The following GABRA3 variants were observed in gnomAD, a reference collection of about 807,000 sequenced individuals.
GABRA3 encodes gamma-aminobutyric acid receptor subunit alpha-3.
GABRA3 carries 10 observed loss-of-function variants against 30.1 expected under a neutral mutation model. The ratio of observed to expected loss-of-function variants is 0.33; its 90% CI spans 0.20 to 0.56. GABRA3 has a LOEUF of 0.56. GABRA3 is among the 20% of genes least tolerant of loss of function. The probability of loss-of-function intolerance (pLI) is 0.89; values close to 1 mark genes in which losing one functional copy is unlikely to be tolerated. For synonymous variants in GABRA3, 151 were observed against 146.8 expected (o/e 1.03, Z -0.21); for missense variants, 233 against 392.0 (o/e 0.59, Z 3.42).
chrX:152,178,427 G>GATTTC (rs1372504420), intron 9 of GABRA3, among the ~76,000 whole-genome samples: 1 of 111,597 alleles, frequency 9.0e-6, no homozygotes, highest in Non-Finnish European at 1.9e-5. Flanking sequence ...GATTTGATTT[G>GATTTC]TGGCTACAAT....
chrX:152,220,627 C>G (rs759845563), intron 6 of GABRA3, among the ~76,000 whole-genome samples: 50 of 111,767 alleles, frequency 4.5e-4, no homozygotes, highest in African/African-American at 1.6e-3. Context: ...TAAATAGCAC[C>G]AAACAATTTT....
chrX:152,352,073 T>C (rs1158071050), intron 2 of GABRA3, among the ~76,000 whole-genome samples: 4 of 111,121 alleles, frequency 3.6e-5, no homozygotes, highest in African/African-American at 1.3e-4. Context: ...ACAGATATAA[T>C]AATCAAGACT....
chrX:152,368,701 C>CTTTTTTTTTTTTTT (rs59912352), intron 1 of GABRA3, among the ~76,000 whole-genome samples: 1 of 49,567 alleles, frequency 2.0e-5, no homozygotes, highest in Non-Finnish European at 3.4e-5. Context: ...AATTTTTTTT[C>CTTTTTTTTTTTTTT]TTTTTTTTTT....
chrX:152,289,398 C>T lies in GABRA3; in HGVS notation c.263-4663G>A, dbSNP rs774862676. On this transcript the variant is annotated intron_variant, in intron 3 of 9. Transcript: ENST00000370314. Reference sequence around the variant, plus strand: ...CTTCAGAGATTTAAAGAAAGTGATCCTTGTACCCCTGTCTGCTCTTCTTGT... The same window carrying T: ...CTTCAGAGATTTAAAGAAAGTGATCTTTGTACCCCTGTCTGCTCTTCTTGT... Among the ~76,000 whole-genome samples the T allele has an allele frequency of 4.7e-4, 51 of 109,532 alleles. No individual in the cohort carries two copies. In the Admixed American group the frequency reaches 4.7e-3, roughly 10 times the overall value.
intron 4 of GABRA3, among the ~76,000 whole-genome samples, chrX:152,272,503 G>T (rs188165617): frequency 1.2e-4 from 14 of 112,205 alleles, no homozygotes; most frequent in Non-Finnish European, 2.3e-4. Context: ...TTACAGGCTC[G>T]TAGGTGGAAA....
chrX:152,253,150 C>A (rs1009128792), intron 5 of GABRA3, among the ~76,000 whole-genome samples: 2 of 111,624 alleles, frequency 1.8e-5, no homozygotes, highest in Non-Finnish European at 3.8e-5. Context: ...TCCTCTTTCC[C>A]CTCCACTGCC....
chrX:152,383,143 T>C (rs1929190382), intron 1 of GABRA3, among the ~76,000 whole-genome samples: 1 of 108,594 alleles, frequency 9.2e-6, no homozygotes, highest in African/African-American at 3.4e-5. Context: ...TCCCAGCACT[T>C]TGGGAGGCCG....
intron 3 of GABRA3, among the ~76,000 whole-genome samples, chrX:152,319,096 A>G (rs189927926): frequency 1.9e-3 from 214 of 111,946 alleles, no homozygotes; most frequent in African/African-American, 6.6e-3. Flanking sequence ...ACAAAGAGAA[A>G]CACAGCCCAT....
chrX:152,232,815 T>A (rs1210821099), intron 5 of GABRA3, among the ~76,000 whole-genome samples: 3 of 110,411 alleles, frequency 2.7e-5, no homozygotes, highest in Non-Finnish European at 5.7e-5. Context: ...TAATGATTTG[T>A]CTTTGTGTAG....
rs776467769 is a variant in GABRA3, at chrX:152,407,178, AAAGG to A, written c.-26-42586_-26-42583del. 2.3e-3 allele frequency among the ~76,000 whole-genome samples: 258 copies of A among 111,824 alleles called. 1 individual carries two copies. The highest frequency in any genetic ancestry group is 7.9e-3 in the African/African-American group (244 of 30,893). On this transcript the variant is annotated intron_variant, in intron 1 of 9. Transcript: ENST00000370314. ...CTAAGGCTTCATCTTAAAAACTAGA[AAAGG>A]AAGAGCAAAACAAACTCAAAGTTAG...
chrX:152,377,157 T>C (rs1406266166), intron 1 of GABRA3, among the ~76,000 whole-genome samples: 2 of 111,425 alleles, frequency 1.8e-5, no homozygotes, highest in Non-Finnish European at 3.8e-5. Flanking sequence ...ACCTAGGGGC[T>C]GAACTAGCAA....
At chrX:152,256,033 T>C (rs773053635) in intron 4 of GABRA3, 35 bp from the exon 5 acceptor site, 3 of 1,061,515 alleles carry the variant, frequency 2.8e-6, no homozygotes, top group Non-Finnish European at 3.9e-6. Flanking sequence ...ATGTTTCAGT[T>C]GAGTTCTGGT....
At chrX:152,202,787 T>G (rs1020345645) in intron 7 of GABRA3, among the ~76,000 whole-genome samples, 2 of 112,030 alleles carry the variant, frequency 1.8e-5, no homozygotes, top group African/African-American at 6.5e-5. Context: ...ATATTCGAGA[T>G]GTAAATTTTA....
chrX:152,352,129 G>C (rs748405648), intron 2 of GABRA3, among the ~76,000 whole-genome samples: 167 of 110,930 alleles, frequency 1.5e-3, no homozygotes, highest in African/African-American at 5.3e-3. Context: ...GAGACATAAA[G>C]TGAGCACATG....
At chrX:152,317,584 A>C (rs1939897826) in intron 3 of GABRA3, among the ~76,000 whole-genome samples, 1 of 112,080 alleles carries the variant, frequency 8.9e-6, no homozygotes, top group African/African-American at 3.2e-5. Flanking sequence ...ATAAGTCTCC[A>C]TAAATTTAAG....
intron 3 of GABRA3, among the ~76,000 whole-genome samples, chrX:152,314,719 G>A (rs5970270): frequency 0.037 from 4,127 of 112,057 alleles, 161 homozygotes; most frequent in African/African-American, 0.13. Flanking sequence ...ATGGCACTTC[G>A]TCAGAGAGGC....
chrX:152,259,904 G>A (rs1216187821), intron 4 of GABRA3, among the ~76,000 whole-genome samples: 1 of 109,913 alleles, frequency 9.1e-6, no homozygotes, highest in Non-Finnish European at 1.9e-5. Flanking sequence ...TACGAGCTTG[G>A]CTTCAGTGTG....
chrX:152,237,969 T>G (rs1160575081), intron 5 of GABRA3, among the ~76,000 whole-genome samples: 3 of 110,711 alleles, frequency 2.7e-5, no homozygotes, highest in Non-Finnish European at 5.7e-5. Flanking sequence ...CTTTTCCTAC[T>G]TGAATACCCT....
chrX:152,421,402 CGT>C (rs916153646), intron 1 of GABRA3, among the ~76,000 whole-genome samples: 5 of 110,682 alleles, frequency 4.5e-5, no homozygotes, highest in African/African-American at 9.9e-5. Context: ...TAAATATATA[CGT>C]GTGTGTTTGT....
Sources: allele counts gnomAD v4.1 joint callset (sites outside exome capture counted in the v4.1 genomes callset), GRCh38; gene constraint gnomAD v4.1.1; transcripts MANE v1.5; gene names NCBI Gene and HGNC (gene_info 2026-07-23, HGNC 2026-07-21).